Variants in ADAM9 observed in about 807,000 individuals in gnomAD.
ADAM9 encodes ADAM metallopeptidase domain 9.
ADAM9 carries 54 observed loss-of-function variants against 108.1 expected under a neutral mutation model. The ratio of observed to expected loss-of-function variants is 0.50; its 90% CI spans 0.40 to 0.63. The LOEUF (loss-of-function observed/expected upper bound fraction) is 0.63. Ranked by LOEUF, ADAM9 falls within the 20% of genes least tolerant of loss-of-function variation. The pLI is 0.00. For synonymous variants in ADAM9, 316 were observed against 336.0 expected, an observed-to-expected ratio of 0.94 and a Z score of 0.65; for missense variants, 830 against 997.7, an observed-to-expected ratio of 0.83 and a Z score of 2.26.
chr8:39,054,664 A>C, intron 13 of ADAM9, 91 bp downstream of exon 13: 1 of 1,110,384 alleles, frequency 9.0e-7, no homozygotes, highest in Non-Finnish European at 1.3e-6. Context: ...GAGATTTCTG[A>C]GTCAGCACTA....
At position 38,997,156 on chromosome 8, in the gene ADAM9, G is replaced by A; in HGVS notation, c.93G>A (p.Arg31=). The A allele has an allele frequency of 3.1e-6, 5 of 1,598,446 alleles. No individual in the cohort carries two copies. The highest frequency in any genetic ancestry group is 4.2e-6 in the Non-Finnish European group (5 of 1,178,536). ...TGGGCCCAGTCCTCGGTGCGGCGCGGCCAGGTGGGTGTCCGCGCCCCGGGT... is the reference window on the plus strand; with the variant it reads ...TGGGCCCAGTCCTCGGTGCGGCGCGACCAGGTGGGTGTCCGCGCCCCGGGT... The part of the protein sequence containing the change: ...GLVGPVLGAA[R]PGFQQTSHLS... Residue 31 remains arginine (R), a synonymous_variant, in exon 1 of 22, where the codon CGG becomes CGA. Coordinates refer to ENST00000487273, the MANE Select transcript of ADAM9 (RefSeq NM_003816.3).
intron 12 of ADAM9, among the ~76,000 whole-genome samples, chr8:39,045,354 A>ACCTATACGTGTGTG (rs1491365446): frequency 1.6e-5 from 2 of 127,284 alleles, no homozygotes; most frequent in Non-Finnish European, 1.7e-5. Flanking sequence ...ATGTGTGTAC[A>ACCTATACGTGTGTG]TACATATAGG....
At position 39,042,110 on chromosome 8, in the gene ADAM9, C is replaced by T. The variant is rs918955822; in HGVS notation, c.1295C>T (p.Thr432Ile). 8.7e-6 allele frequency: 14 copies of T among 1,613,870 alleles called. No homozygotes were observed. Among genetic ancestry groups the T allele is most frequent in the Non-Finnish European group, 1.2e-5 (14 of 1,179,880 alleles). The part of the protein sequence containing the change: ...VDAGEECDCG[T>I]PKECELDPCC... ...GCTGGGGAAGAGTGTGACTGTGGTACTCCAAAGGTCAGTTTAATTTTTGAC... is the reference window on the plus strand; with the variant it reads ...GCTGGGGAAGAGTGTGACTGTGGTATTCCAAAGGTCAGTTTAATTTTTGAC... The change falls in exon 12 of 22, where the codon ACT (threonine) becomes ATT (isoleucine). Residue 432 changes from threonine to isoleucine, a missense_variant. This residue lies in a region of ADAM9 where 381 missense variants were observed against 539.8 expected (regional missense o/e 0.71). Coordinates refer to ENST00000487273, the MANE Select transcript of ADAM9 (RefSeq NM_003816.3).
intron 14 of ADAM9, among the ~76,000 whole-genome samples, chr8:39,062,851 A>G (rs1412831520): frequency 6.6e-6 from 1 of 152,140 alleles, no homozygotes. Context: ...GTGGGTAAAT[A>G]CATCTTAAGT....
At chr8:39,025,536 C>T (rs979486366) in intron 9 of ADAM9, among the ~76,000 whole-genome samples, 3 of 152,080 alleles carry the variant, frequency 2.0e-5, no homozygotes, top group East Asian at 1.9e-4. Flanking sequence ...TATAAATAAA[C>T]CTAATGTATT....
At chr8:39,036,517 C>T (rs889068621) in intron 11 of ADAM9, among the ~76,000 whole-genome samples, 1 of 151,490 alleles carries the variant, frequency 6.6e-6, no homozygotes, top group Admixed American at 6.6e-5. Context: ...TCATTATTGT[C>T]GATCTCCTTT....
chr8:39,063,283 C>G (rs1416839323), intron 14 of ADAM9, among the ~76,000 whole-genome samples: 1 of 152,148 alleles, frequency 6.6e-6, no homozygotes, highest in East Asian at 1.9e-4. Context: ...AGGTTTAGAA[C>G]CAATGAGATA....
Position 39,091,247 on chromosome 8 carries a change from T to C in ADAM9, c.2211-12T>C, listed in dbSNP as rs1222089106. 6.2e-7 allele frequency: 1 copy of C among 1,611,018 alleles called. No individual in the cohort carries two copies. The highest frequency in any genetic ancestry group is 2.2e-5 in the East Asian group (1 of 44,836). On this transcript the variant is annotated splice_polypyrimidine_tract_variant and intron_variant, in intron 19 of 21. Coordinates refer to ENST00000487273, the MANE Select transcript of ADAM9 (RefSeq NM_003816.3). Reference sequence around the variant, plus strand: ...TATCTTAATTTAGATCAAAAGTAATTGTATCTTTCAGGTCAGATGGCAAAA... The same window carrying C: ...TATCTTAATTTAGATCAAAAGTAATCGTATCTTTCAGGTCAGATGGCAAAA...
At chr8:39,017,728 A>G (rs529118675) in intron 6 of ADAM9, among the ~76,000 whole-genome samples, 14 of 152,016 alleles carry the variant, frequency 9.2e-5, no homozygotes, top group South Asian at 2.1e-4. Context: ...CTACTGCTAC[A>G]GGTCTGTGCC....
At chr8:39,022,097 T>TGTGTGTGAGAGA (rs1356591377) in intron 8 of ADAM9, among the ~76,000 whole-genome samples, 11 of 136,278 alleles carry the variant, frequency 8.1e-5, no homozygotes, top group Admixed American at 2.8e-4. Context: ...TGTGTGTGTG[T>TGTGTGTGAGAGA]GAGAGAGAGA....
intron 12 of ADAM9, among the ~76,000 whole-genome samples, chr8:39,051,763 T>A (rs1478445596): frequency 6.6e-6 from 1 of 152,230 alleles, no homozygotes. Context: ...TTTTTCTGTA[T>A]CATTTTATTA....
At chr8:39,050,830 GTTTTTT>G (rs58115667) in intron 12 of ADAM9, among the ~76,000 whole-genome samples, 2 of 85,236 alleles carry the variant, frequency 2.3e-5, no homozygotes, top group African/African-American at 9.7e-5. Context: ...GCTTGGAAGT[GTTTTTT>G]TTTTTTTTTT....
chr8:39,023,302 A>G lies in ADAM9; in HGVS notation c.891A>G (p.Arg297=). The change falls in exon 9 of 22, where the codon AGA becomes AGG. Residue 297 remains arginine, a synonymous_variant. Coordinates refer to ENST00000487273, the MANE Select transcript of ADAM9 (RefSeq NM_003816.3). The part of the protein sequence containing the change: ...WREKFLITRR[R]HDSAQLVLKK... ...AAAAGTTTCTTATCACACGTCGGAG[A>G]CATGACAGTGCACAGCTAGTTCTGT... is the stretch of plus-strand genomic sequence containing the variant. 6.2e-7 allele frequency: 1 copy of G among 1,612,978 alleles called. No homozygotes were observed. The highest frequency in any genetic ancestry group is 8.5e-7 in the Non-Finnish European group (1 of 1,179,512).
chr8:39,009,564 T>C (rs1375348277), intron 2 of ADAM9, among the ~76,000 whole-genome samples: 1 of 152,180 alleles, frequency 6.6e-6, no homozygotes, highest in Non-Finnish European at 1.5e-5. Flanking sequence ...TGGTAGACTT[T>C]CAGCCTAGGG....
intron 11 of ADAM9, 133 bp downstream of exon 11, chr8:39,026,943 C>T: frequency 9.5e-7 from 1 of 1,057,856 alleles, no homozygotes; most frequent in South Asian, 1.4e-5. Flanking sequence ...AATTGCATGA[C>T]ATACCAATGA....
At chr8:39,037,876 A>G (rs563402515) in intron 11 of ADAM9, among the ~76,000 whole-genome samples, 5 of 152,342 alleles carry the variant, frequency 3.3e-5, no homozygotes, top group South Asian at 2.1e-4. Flanking sequence ...CTTGATGTCT[A>G]ATAGGCTCAA....
chr8:39,096,996 C>G (rs977376198), intron 20 of ADAM9, among the ~76,000 whole-genome samples: 1 of 151,896 alleles, frequency 6.6e-6, no homozygotes, highest in African/African-American at 2.4e-5. Flanking sequence ...TATCTGTTTC[C>G]TTAGGGTCAG....
At chr8:39,066,494 G>A (rs1838479728) in intron 14 of ADAM9, among the ~76,000 whole-genome samples, 1 of 152,236 alleles carries the variant, frequency 6.6e-6, no homozygotes, top group South Asian at 2.1e-4. Flanking sequence ...GCGTTTGTCT[G>A]ATGGCCAGTG....
chr8:39,007,218 A>T (rs374003820), intron 1 of ADAM9, among the ~76,000 whole-genome samples: 2 of 152,098 alleles, frequency 1.3e-5, no homozygotes, highest in Non-Finnish European at 2.9e-5. Flanking sequence ...CTTTTTAACA[A>T]CCAGCTCTTG....
Sources: gnomAD v4.1 joint callset for allele counts (sites outside exome capture counted in the v4.1 genomes callset) on GRCh38, gnomAD v4.1.1 for gene constraint, gnomAD v4.1.1 regional missense constraint, MANE v1.5 for transcripts, NCBI Gene and HGNC (gene_info 2026-07-23, HGNC 2026-07-21) for gene names.